Variants in RBFOX3 observed in about 807,000 individuals in gnomAD.
RBFOX3 encodes the protein RNA binding fox-1 homolog 3, also known as RNA binding protein fox-1 homolog 3.
RBFOX3 carries 17 observed loss-of-function variants against 48.7 expected under a neutral mutation model. The ratio of observed to expected loss-of-function variants is 0.35; its 90% CI spans 0.24 to 0.52. RBFOX3 has a LOEUF of 0.52. Ranked by LOEUF, RBFOX3 falls within the 20% of genes least tolerant of loss-of-function variation. The probability of loss-of-function intolerance (pLI) is 0.94; values close to 1 mark genes in which losing one functional copy is unlikely to be tolerated. For synonymous variants in RBFOX3, 212 were observed against 209.5 expected (o/e 1.01, Z -0.10); for missense variants, 382 against 497.5 (o/e 0.77, Z 2.21).
intron 4 of RBFOX3, among the ~76,000 whole-genome samples, chr17:79,160,635 G>A (rs888383542): frequency 6.6e-6 from 1 of 152,156 alleles, no homozygotes; most frequent in Admixed American, 6.5e-5. Context: ...AGGGACAGCA[G>A]GACTTGGGAT....
chr17:79,163,927 G>A (rs2047479043), intron 4 of RBFOX3, among the ~76,000 whole-genome samples: 1 of 152,230 alleles, frequency 6.6e-6, no homozygotes, highest in Non-Finnish European at 1.5e-5. Context: ...ACAGGCTGGG[G>A]CCAATTGGAG....
intron 1 of RBFOX3, among the ~76,000 whole-genome samples, chr17:79,512,761 G>T (rs1447794892): frequency 2.7e-5 from 4 of 148,900 alleles, no homozygotes; most frequent in Non-Finnish European, 6.0e-5. Context: ...CATGGCCAGG[G>T]GACACCCACC....
chr17:79,536,900 A>G (rs1435003302), intron 1 of RBFOX3, among the ~76,000 whole-genome samples: 6 of 152,148 alleles, frequency 3.9e-5, no homozygotes, highest in Non-Finnish European at 8.8e-5. Context: ...CCTGGCCAAC[A>G]TGGTAAAACC....
intron 1 of RBFOX3, among the ~76,000 whole-genome samples, chr17:79,493,860 C>T (rs112661272): frequency 2.1e-4 from 32 of 152,304 alleles, no homozygotes; most frequent in African/African-American, 7.5e-4. Context: ...CCAAGTCACA[C>T]ACCCGCCGCG....
rs139342401 is a variant in RBFOX3 at position 79,465,972 on chromosome 17, C to G, written c.-175+16482G>C. 6.9e-3 allele frequency among the ~76,000 whole-genome samples: 1,047 copies of G among 152,352 alleles called. 10 individuals carry two copies. Among genetic ancestry groups the G allele is most frequent in the African/African-American group, 0.022 (925 of 41,580 alleles). On this transcript the variant is annotated intron_variant, in intron 2 of 14. Coordinates refer to ENST00000693108, the MANE Select transcript of RBFOX3 (RefSeq NM_001350451.2). ...TGAGCAAAGCTTCTGGGCATCCCCA[C>G]GGCCCCCAGGAACAACCCAGCTGGA...
At chr17:79,122,410 TC>T in intron 4 of RBFOX3, among the ~76,000 whole-genome samples, 1 of 152,230 alleles carries the variant, frequency 6.6e-6, no homozygotes, top group Non-Finnish European at 1.5e-5. Flanking sequence ...TCCTTGAACG[TC>T]TAGCTGCCAC....
rs967562798 is a variant in RBFOX3 at position 79,280,241 on chromosome 17, A to G, written c.-74+27483T>C. On this transcript the variant is annotated intron_variant, in intron 3 of 14. Coordinates refer to ENST00000693108, the MANE Select transcript of RBFOX3 (RefSeq NM_001350451.2). ...CATGCACACACACGCACACATGCACACACACACACATGCACACACCCTCCA... is the reference window on the plus strand; with the variant it reads ...CATGCACACACACGCACACATGCACGCACACACACATGCACACACCCTCCA... 2.2e-4 allele frequency among the ~76,000 whole-genome samples: 34 copies of G among 151,326 alleles called. 1 individual carries two copies. Among genetic ancestry groups the G allele is most frequent in the African/African-American group, 7.7e-4 (32 of 41,308 alleles).
intron 4 of RBFOX3, among the ~76,000 whole-genome samples, chr17:79,178,645 T>C (rs2051145584): frequency 6.6e-6 from 1 of 152,136 alleles, no homozygotes; most frequent in Non-Finnish European, 1.5e-5. Context: ...GGAATGAAAC[T>C]GGGGAAGAAC....
At chr17:79,553,721 G>A (rs959026526) in intron 1 of RBFOX3, among the ~76,000 whole-genome samples, 1 of 151,746 alleles carries the variant, frequency 6.6e-6, no homozygotes, top group East Asian at 1.9e-4. Context: ...GGGTTTTTTT[G>A]TTTGTTTGTT....
At chr17:79,272,700 T>C (rs1428506175) in intron 3 of RBFOX3, among the ~76,000 whole-genome samples, 1 of 152,184 alleles carries the variant, frequency 6.6e-6, no homozygotes, top group Non-Finnish European at 1.5e-5. Flanking sequence ...TTTGCTCAGT[T>C]CCAGCTCTGT....
intron 2 of RBFOX3, among the ~76,000 whole-genome samples, chr17:79,389,104 G>A (rs924756924): frequency 5.3e-5 from 8 of 152,052 alleles, no homozygotes; most frequent in East Asian, 1.9e-4. Context: ...GGGCGCGGGG[G>A]GGCGGTGTGG....
chr17:79,171,251 G>A (rs1434736643), intron 4 of RBFOX3, among the ~76,000 whole-genome samples: 3 of 152,242 alleles, frequency 2.0e-5, no homozygotes, highest in Non-Finnish European at 2.9e-5. Flanking sequence ...TCATTAGCAC[G>A]AATTTCATCT....
In RBFOX3 at chr17:79,382,596, C is replaced by T. The variant is rs115635640; in HGVS notation, c.-174-74772G>A. ...TGCTTGCTGGGGAAGCCAACCCTTGCGGTCATGGGCAACCCTTTCTTTGAA... is the reference window on the plus strand; with the variant it reads ...TGCTTGCTGGGGAAGCCAACCCTTGTGGTCATGGGCAACCCTTTCTTTGAA... On this transcript the variant is annotated intron_variant, in intron 2 of 14. Coordinates refer to ENST00000693108, the MANE Select transcript of RBFOX3 (RefSeq NM_001350451.2). Among the ~76,000 whole-genome samples the T allele has an allele frequency of 2.6e-3, 401 of 152,318 alleles. 1 individual carries two copies. The highest frequency in any genetic ancestry group is 9.2e-3 in the African/African-American group (381 of 41,576).
At position 79,166,255 on chromosome 17, in the gene RBFOX3, C is replaced by CA. The variant is rs981615606; in HGVS notation, c.-33-50508_-33-50507insT. ...GAGGGGCTCCTTTCCCTCCTGCACC[C>CA]CCCAGCGCAGCCTCCCGTGGGAGGG... On this transcript the variant is annotated intron_variant, in intron 4 of 14. Coordinates refer to ENST00000693108, the MANE Select transcript of RBFOX3 (RefSeq NM_001350451.2). Among the ~76,000 whole-genome samples, 59 of 152,230 alleles carry CA rather than the reference C, an allele frequency of 3.9e-4. 1 individual carries two copies. In the East Asian group the frequency reaches 0.011, roughly 28 times the overall value.
intron 3 of RBFOX3, among the ~76,000 whole-genome samples, chr17:79,297,340 T>C (rs1210631183): frequency 6.6e-6 from 1 of 152,158 alleles, no homozygotes; most frequent in Non-Finnish European, 1.5e-5. Context: ...GCTAGCCCTG[T>C]GGAGAGCCGT....
At position 79,344,577 on chromosome 17, in the gene RBFOX3, C is replaced by T. The variant is rs116566791; in HGVS notation, c.-174-36753G>A. On this transcript the variant is annotated intron_variant, in intron 2 of 14. Coordinates refer to ENST00000693108, the MANE Select transcript of RBFOX3 (RefSeq NM_001350451.2). ...TTTATTTATTTATTTATTTAGAAGA[C>T]GGAGTCTCACTCCATTGCCCAGGCT... Among the ~76,000 whole-genome samples, 893 of 93,434 alleles carry T rather than the reference C, an allele frequency of 9.6e-3. 7 individuals are homozygous for T. The highest frequency in any genetic ancestry group is 0.032 in the African/African-American group (851 of 26,572). The allele number at this position is 93,434 out of a possible 152,430, so 61.3% of individuals were successfully genotyped here.
chr17:79,115,102 C>T (rs1023410505), intron 5 of RBFOX3, among the ~76,000 whole-genome samples: 4 of 152,370 alleles, frequency 2.6e-5, no homozygotes, highest in Middle Eastern at 3.4e-3. Flanking sequence ...CTCTGCCCTC[C>T]GCCCGTCTCC....
chr17:79,158,868 G>A (rs1467336299), intron 4 of RBFOX3, among the ~76,000 whole-genome samples: 1 of 152,192 alleles, frequency 6.6e-6, no homozygotes, highest in Non-Finnish European at 1.5e-5. Flanking sequence ...TGCGGCCCCA[G>A]GATGGCTGCT....
intron 1 of RBFOX3, among the ~76,000 whole-genome samples, chr17:79,567,130 G>A (rs1204651572): frequency 1.3e-5 from 2 of 148,820 alleles, no homozygotes; most frequent in Non-Finnish European, 3.0e-5. Flanking sequence ...ACTCTTTTGA[G>A]TTCCCACGTA....
Sources: allele counts gnomAD v4.1 joint callset (sites outside exome capture counted in the v4.1 genomes callset), GRCh38; gene constraint gnomAD v4.1.1; transcripts MANE v1.5; gene names NCBI Gene and HGNC (gene_info 2026-07-23, HGNC 2026-07-21).